The following TTLL11 variants were observed in gnomAD, a reference collection of about 807,000 sequenced individuals.
TTLL11 encodes tubulin tyrosine ligase like 11.
In TTLL11, 42 loss-of-function variants were observed where a neutral mutation model predicts 51.7. That is an observed-to-expected ratio of 0.81 (90% CI 0.64 to 1.05). The LOEUF (loss-of-function observed/expected upper bound fraction) is 1.05. Among genes scored for constraint, TTLL11 ranks in the 50% least tolerant of loss-of-function variants. The pLI is 0.00. For synonymous variants in TTLL11, 381 were observed against 383.5 expected (o/e 0.99, Z 0.08); for missense variants, 799 against 940.4 (o/e 0.85, Z 1.97).
At chr9:122,003,464 T>TG (rs1843543145) in intron 3 of TTLL11, among the ~76,000 whole-genome samples, 2 of 150,518 alleles carry the variant, frequency 1.3e-5, no homozygotes, top group Non-Finnish European at 3.0e-5. Flanking sequence ...TCAACTTTAA[T>TG]CGAAATATGC....
At position 121,818,497 on chromosome 9, in the gene TTLL11, GA is replaced by G. The variant is rs1836477141; in HGVS notation, c.*4089del. 2 of 152,446 alleles carry G rather than the reference GA, an allele frequency of 1.3e-5. No homozygotes were observed. Among genetic ancestry groups the G allele is most frequent in the South Asian group, 4.1e-4 (2 of 4,830 alleles). The allele number at this position is 152,446 out of a possible 1,614,324, so 9.4% of individuals were successfully genotyped here. ...CTGGCCCCTGCTCTGTGCCAACGTG[GA>G]CCCAGCACATGCCTGACCCTGCAGG... On this transcript the variant is annotated 3_prime_UTR_variant, in exon 9 of 9. Coordinates refer to ENST00000321582, the MANE Select transcript of TTLL11 (RefSeq NM_001139442.2).
Position 121,890,170 on chromosome 9 carries a change from A to G in TTLL11, c.1482-19422T>C, listed in dbSNP as rs1332384986. Among the ~76,000 whole-genome samples the G allele has an allele frequency of 6.6e-6, 1 of 152,168 alleles. No homozygotes were observed. Among genetic ancestry groups the G allele is most frequent in the Non-Finnish European group, 1.5e-5 (1 of 68,016 alleles). ...TTTTCTACCCCAATTCTGAGCCTCC[A>G]GCTTTGTTCCTGACTCAGAGGAGGG... is the stretch of plus-strand genomic sequence containing the variant. On this transcript the variant is annotated intron_variant, in intron 6 of 8. Coordinates refer to ENST00000321582, the MANE Select transcript of TTLL11 (RefSeq NM_001139442.2). This position sits in a 1 kb window ranked among gnomAD's most constrained non-coding sequence, Gnocchi z 4.3.
At chr9:122,056,373 G>A (rs973019845) in intron 1 of TTLL11, among the ~76,000 whole-genome samples, 4 of 152,156 alleles carry the variant, frequency 2.6e-5, no homozygotes, top group African/African-American at 7.2e-5. Flanking sequence ...TATATTACAC[G>A]TGCTATCTCA....
intron 3 of TTLL11, among the ~76,000 whole-genome samples, chr9:121,990,169 G>C (rs899144738): frequency 4.6e-5 from 7 of 152,198 alleles, no homozygotes; most frequent in Admixed American, 1.3e-4. Context: ...TACCTAATTA[G>C]CTCATCTAAC....
chr9:122,059,245 C>T (rs562533506), intron 1 of TTLL11, among the ~76,000 whole-genome samples: 5 of 152,186 alleles, frequency 3.3e-5, no homozygotes, highest in East Asian at 1.9e-4. Flanking sequence ...ATGCCTATCA[C>T]GTGCTAGCTA....
intron 1 of TTLL11, among the ~76,000 whole-genome samples, chr9:122,046,589 C>T (rs578233626): frequency 1.1e-3 from 169 of 152,272 alleles, no homozygotes; most frequent in African/African-American, 4.0e-3. Flanking sequence ...TTCTCAGATC[C>T]CCATTCTCCA....
At chr9:122,076,624 T>A (rs1827540216) in intron 1 of TTLL11, among the ~76,000 whole-genome samples, 1 of 151,894 alleles carries the variant, frequency 6.6e-6, no homozygotes, top group South Asian at 2.1e-4. Flanking sequence ...TAGAGCCCCC[T>A]GAGGCATCTG....
chr9:122,071,126 C>CTGGCTTAGAG, intron 1 of TTLL11, among the ~76,000 whole-genome samples: 1 of 152,306 alleles, frequency 6.6e-6, no homozygotes, highest in South Asian at 2.1e-4. Context: ...TATCCAGTGC[C>CTGGCTTAGAG]TGGCTTAGAG....
chr9:121,826,527 ATGTGTG>A lies in TTLL11; in HGVS notation c.1841-3654_1841-3649del, dbSNP rs1201618732. On this transcript the variant is annotated intron_variant, in intron 8 of 8. Coordinates refer to ENST00000321582, the MANE Select transcript of TTLL11 (RefSeq NM_001139442.2). ...TATATATATATATGTATATATATAT[ATGTGTG>A]TGTGTATATATATATATGTGTGTGT... 4.2e-3 allele frequency among the ~76,000 whole-genome samples: 203 copies of A among 47,830 alleles called. 9 individuals are homozygous for A. The highest frequency in any genetic ancestry group is 7.6e-3 in the Admixed American group (42 of 5,554). The allele number at this position is 47,830 out of a possible 152,430, so 31.4% of individuals were successfully genotyped here.
At chr9:121,900,492 G>A (rs1374515322) in intron 6 of TTLL11, among the ~76,000 whole-genome samples, 1 of 152,152 alleles carries the variant, frequency 6.6e-6, no homozygotes, top group Admixed American at 6.5e-5. Flanking sequence ...TTGAAATTCA[G>A]TGGGCTTCCT....
chr9:121,822,628 A>T lies in TTLL11; in HGVS notation c.2092T>A (p.Cys698Ser). 1 of 1,492,014 alleles carries T rather than the reference A, an allele frequency of 6.7e-7. No homozygotes were observed. 92.4% of individuals were successfully genotyped at this position (1,492,014 alleles called of 1,614,324 possible). The change falls in exon 9 of 9, where the codon TGT becomes AGT. Residue 698 changes from cysteine to serine, a missense_variant. Physicochemically the swap from Cys to Ser is moderately radical, Grantham distance 112. Around this residue, in one of 3 missense-constraint regions of TTLL11, gnomAD observed 165 missense variants for 166.1 expected, o/e 0.99. Coordinates refer to ENST00000321582, the MANE Select transcript of TTLL11 (RefSeq NM_001139442.2). The surrounding 1 kb of genome is among the most constrained non-coding windows in gnomAD (Gnocchi z 5.8). ...CTGGGATGGGAGAGCTTATTGGCAC[A>T]GCTGGTGCGGGGTGGGGGGTTGTCC... ...AGDNPPPRTSCANKLSHPRHT... is the reference protein window; with the variant it reads ...AGDNPPPRTSSANKLSHPRHT...
intron 1 of TTLL11, among the ~76,000 whole-genome samples, chr9:122,042,920 T>A (rs986935391): frequency 3.3e-5 from 5 of 152,202 alleles, no homozygotes; most frequent in African/African-American, 1.2e-4. Flanking sequence ...AGATCAGTAT[T>A]TGCCAGGGGC....
chr9:121,925,135 G>A (rs1055236814), intron 6 of TTLL11, among the ~76,000 whole-genome samples: 6 of 152,098 alleles, frequency 3.9e-5, no homozygotes, highest in Non-Finnish European at 8.8e-5. Flanking sequence ...TAATGTCACC[G>A]GCAGAATTGC....
chr9:122,031,684 A>C, intron 3 of TTLL11, 39 bp downstream of exon 3: 1 of 1,605,164 alleles, frequency 6.2e-7, no homozygotes, highest in South Asian at 1.1e-5. Context: ...TTGCAAGCAT[A>C]ATATAATTCA....
chr9:121,871,084 G>A (rs1838341247), intron 6 of TTLL11, among the ~76,000 whole-genome samples: 1 of 152,144 alleles, frequency 6.6e-6, no homozygotes, highest in African/African-American at 2.4e-5. Context: ...TTACTTATGG[G>A]TAGTAATTGA....
intron 8 of TTLL11, among the ~76,000 whole-genome samples, chr9:121,845,337 A>C (rs529045877): frequency 6.6e-6 from 1 of 152,276 alleles, no homozygotes; most frequent in East Asian, 1.9e-4. Context: ...ATGAAGGAGA[A>C]ATACACTCTC....
chr9:121,874,787 T>A (rs557471443), intron 6 of TTLL11, among the ~76,000 whole-genome samples: 1 of 150,920 alleles, frequency 6.6e-6, no homozygotes, highest in East Asian at 2.0e-4. Context: ...GACAGAGACT[T>A]GTTCTGTCAC....
At chr9:121,852,272 T>C (rs917573801) in intron 8 of TTLL11, among the ~76,000 whole-genome samples, 4 of 152,178 alleles carry the variant, frequency 2.6e-5, no homozygotes, top group Non-Finnish European at 5.9e-5. Context: ...GCCAGGTGCA[T>C]ACTTTATCAC....
intron 6 of TTLL11, among the ~76,000 whole-genome samples, chr9:121,908,317 A>G (rs1397765744): frequency 6.6e-6 from 1 of 152,200 alleles, no homozygotes; most frequent in Non-Finnish European, 1.5e-5. Flanking sequence ...GTTTCCTCCC[A>G]GTTCTGACAT....
Sources: allele counts gnomAD v4.1 joint callset (sites outside exome capture counted in the v4.1 genomes callset), GRCh38; gene constraint gnomAD v4.1.1; regional missense constraint gnomAD v4.1.1; non-coding constraint Gnocchi (gnomAD v3.1); transcripts MANE v1.5; gene names NCBI Gene and HGNC (gene_info 2026-07-23, HGNC 2026-07-21).